RASA1: variants seen among roughly 807,000 people sequenced by gnomAD.
RASA1 encodes the protein ras GTPase-activating protein 1.
In RASA1, 25 loss-of-function variants were observed where a neutral mutation model predicts 132.2. The ratio of observed to expected loss-of-function variants is 0.19; its 90% CI spans 0.14 to 0.26. The LOEUF is 0.26. Ranked by LOEUF, RASA1 falls within the 10% of genes least tolerant of loss-of-function variation. RASA1 has a pLI of 1.00. For synonymous variants in RASA1, 477 were observed against 449.9 expected (o/e 1.06, Z -0.76); for missense variants, 964 against 1,299.2 (o/e 0.74, Z 3.97).
rs1762481656 is a variant in RASA1 at position 87,391,110 on chromosome 5, T to C, written c.*227T>C. Reference sequence around the variant, plus strand: ...GCACTATTTCCACATGGAATCAATCTTTAACAACCTCTGAGCCTTGGTGTA... The same window carrying C: ...GCACTATTTCCACATGGAATCAATCCTTAACAACCTCTGAGCCTTGGTGTA... On this transcript the variant is annotated 3_prime_UTR_variant, in exon 25 of 25. Coordinates refer to ENST00000274376, the MANE Select transcript of RASA1 (RefSeq NM_002890.3). The C allele has an allele frequency of 1.6e-6, 1 of 617,890 alleles. No homozygotes were observed. The highest frequency in any genetic ancestry group is 2.9e-6 in the Non-Finnish European group (1 of 344,996). 38.3% of individuals were successfully genotyped at this position (617,890 alleles called of 1,614,324 possible). A position where few individuals can be genotyped will look rare whatever the true frequency, so the allele number is the denominator to read the frequency against.
chr5:87,381,701 G>C (rs1761726971), intron 20 of RASA1, among the ~76,000 whole-genome samples: 1 of 152,114 alleles, frequency 6.6e-6, no homozygotes, highest in South Asian at 2.1e-4. Context: ...AGAATTACAA[G>C]CATAATATTC....
intron 9 of RASA1, 116 bp from the exon 10 acceptor site, chr5:87,362,435 G>A (rs2112455655): frequency 1.0e-6 from 1 of 961,634 alleles, no homozygotes; most frequent in South Asian, 1.5e-5. Flanking sequence ...TATGTGTTAT[G>A]TGTATCTAGA....
chr5:87,283,551 A>G (rs1754414606), intron 1 of RASA1, among the ~76,000 whole-genome samples: 1 of 152,094 alleles, frequency 6.6e-6, no homozygotes, highest in Non-Finnish European at 1.5e-5. Flanking sequence ...TTTTACTACC[A>G]AAGGTAATAA....
chr5:87,282,696 G>C (rs1754368970), intron 1 of RASA1, among the ~76,000 whole-genome samples: 1 of 152,024 alleles, frequency 6.6e-6, no homozygotes, highest in Non-Finnish European at 1.5e-5. Flanking sequence ...TTACGTTACT[G>C]TCTTACAGAT....
intron 1 of RASA1, among the ~76,000 whole-genome samples, chr5:87,313,984 A>G (rs1402086671): frequency 1.4e-4 from 22 of 151,914 alleles, no homozygotes; most frequent in Admixed American, 1.4e-3. Context: ...CCTGACCAAC[A>G]TGGAGAAACC....
At position 87,268,814 on chromosome 5, in the gene RASA1, T is replaced by A; in HGVS notation, c.363T>A (p.Thr121=). The change falls in exon 1 of 25, where the codon ACT becomes ACA. Residue 121 remains threonine, a synonymous_variant. Coordinates refer to ENST00000274376, the MANE Select transcript of RASA1 (RefSeq NM_002890.3). ...SGDMALTKLP[T]SLLAETLGPG... ...ACATGGCTCTCACCAAACTGCCCAC[T>A]TCGTTGCTTGCTGAGACTCTCGGGC... is the stretch of plus-strand genomic sequence containing the variant. The A allele has an allele frequency of 3.1e-6, 5 of 1,614,100 alleles. No homozygotes were observed. The highest frequency in any genetic ancestry group is 3.4e-6 in the Non-Finnish European group (4 of 1,180,024).
chr5:87,283,149 T>G (rs1561253657), intron 1 of RASA1, among the ~76,000 whole-genome samples: 2 of 97,134 alleles, frequency 2.1e-5, no homozygotes, highest in Admixed American at 9.6e-5. Context: ...TTTTTTTGTG[T>G]TTTTTTTTTT....
chr5:87,391,676 ATTTCT>A lies in RASA1; in HGVS notation c.*797_*801del. 1 of 232,854 alleles carries A rather than the reference ATTTCT, an allele frequency of 4.3e-6. No homozygotes were observed. The highest frequency in any genetic ancestry group is 8.5e-6 in the Non-Finnish European group (1 of 117,688). 14.4% of individuals were successfully genotyped at this position (232,854 alleles called of 1,614,324 possible). On this transcript the variant is annotated 3_prime_UTR_variant, in exon 25 of 25. Coordinates refer to ENST00000274376, the MANE Select transcript of RASA1 (RefSeq NM_002890.3). ...CATTCAACCATTTTATAGACTACCA[ATTTCT>A]TTTATGTTAACTAGAATGCTTTTGT... is the stretch of plus-strand genomic sequence containing the variant.
intron 5 of RASA1, among the ~76,000 whole-genome samples, chr5:87,338,606 A>C (rs1758204290): frequency 6.8e-6 from 1 of 147,142 alleles, no homozygotes; most frequent in Non-Finnish European, 1.5e-5. Context: ...GCCTGACCTC[A>C]AGTGTTCCAC....
chr5:87,373,653 A>T (rs1161843091), intron 13 of RASA1, among the ~76,000 whole-genome samples: 1 of 152,184 alleles, frequency 6.6e-6, no homozygotes, highest in Non-Finnish European at 1.5e-5. Context: ...ATCCAAACTA[A>T]CAAATAACTT....
chr5:87,391,747 A>T lies in RASA1; in HGVS notation c.*864A>T, dbSNP rs998667270. ...CATTATTTGTGCTACCCCTTTGATTATGCAGACAACCTCATCAGCTGCCTA... is the reference window on the plus strand; with the variant it reads ...CATTATTTGTGCTACCCCTTTGATTTTGCAGACAACCTCATCAGCTGCCTA... On this transcript the variant is annotated 3_prime_UTR_variant, in exon 25 of 25. Transcript: ENST00000274376. 3 of 232,466 alleles carry T rather than the reference A, an allele frequency of 1.3e-5. No homozygotes were observed. The highest frequency in any genetic ancestry group is 6.6e-5 in the African/African-American group (3 of 45,250). 14.4% of individuals were successfully genotyped at this position (232,466 alleles called of 1,614,324 possible).
At chr5:87,343,519 A>T (rs372377804) in intron 6 of RASA1, among the ~76,000 whole-genome samples, 3 of 152,176 alleles carry the variant, frequency 2.0e-5, no homozygotes, top group African/African-American at 7.2e-5. Context: ...CTACAATGAG[A>T]TTTCATTTCA....
intron 17 of RASA1, among the ~76,000 whole-genome samples, chr5:87,377,693 G>T (rs1008446042): frequency 6.6e-6 from 1 of 152,006 alleles, no homozygotes; most frequent in Non-Finnish European, 1.5e-5. Context: ...TTATAGATAG[G>T]TAGTTCCCAA....
chr5:87,342,556 A>C (rs573893425), intron 6 of RASA1, among the ~76,000 whole-genome samples: 4 of 152,224 alleles, frequency 2.6e-5, no homozygotes, highest in Non-Finnish European at 4.4e-5. Context: ...TTCTTTAGAC[A>C]CAATAATCTT....
At chr5:87,313,787 T>C (rs1756103231) in intron 1 of RASA1, among the ~76,000 whole-genome samples, 1 of 152,186 alleles carries the variant, frequency 6.6e-6, no homozygotes, top group Non-Finnish European at 1.5e-5. Context: ...AGGTAGACAC[T>C]GAAGAATGAG....
chr5:87,287,013 T>TAC (rs1405001859), intron 1 of RASA1, among the ~76,000 whole-genome samples: 1 of 143,562 alleles, frequency 7.0e-6, no homozygotes, highest in Admixed American at 7.0e-5. Context: ...ACCATATATA[T>TAC]ACACCATATA....
At chr5:87,277,306 T>TC (rs1310301796) in intron 1 of RASA1, among the ~76,000 whole-genome samples, 1 of 152,062 alleles carries the variant, frequency 6.6e-6, no homozygotes, top group Non-Finnish European at 1.5e-5. Flanking sequence ...ACTTAATAGT[T>TC]CCCCCCTGTC....
chr5:87,360,044 A>G (rs1397007552), intron 9 of RASA1, among the ~76,000 whole-genome samples: 7 of 150,900 alleles, frequency 4.6e-5, no homozygotes, highest in African/African-American at 1.7e-4. Context: ...CATTGTATCT[A>G]TCATATCAAT....
chr5:87,268,193 G>A lies in RASA1; in HGVS notation c.-259G>A, dbSNP rs1052100280. 20 of 558,348 alleles carry A rather than the reference G, an allele frequency of 3.6e-5. No homozygotes were observed. Among genetic ancestry groups the A allele is most frequent in the Non-Finnish European group, 6.0e-5 (19 of 318,692 alleles). 34.6% of individuals were successfully genotyped at this position (558,348 alleles called of 1,614,324 possible). ...TGTTTGTGTGCGTGAGTGTGGGTGT[G>A]TGCGGTGAGGTTTGGGTGGCGTTTG... On this transcript the variant is annotated 5_prime_UTR_variant, in exon 1 of 25. In the 5' UTR this introduces an upstream ATG that the reference lacks. Transcript: ENST00000274376.
Sources: gnomAD v4.1 joint callset for allele counts (sites outside exome capture counted in the v4.1 genomes callset) on GRCh38, gnomAD v4.1.1 for gene constraint, MANE v1.5 for transcripts, NCBI Gene and HGNC (gene_info 2026-07-23, HGNC 2026-07-21) for gene names.